Variants in ADARB2 observed in about 807,000 individuals in gnomAD.
ADARB2 encodes the protein adenosine deaminase RNA specific B2 (inactive), also known as inactive double-stranded RNA-specific editase B2.
A neutral mutation model predicts 62.2 loss-of-function variants in ADARB2; 25 were observed. The ratio of observed to expected loss-of-function variants is 0.40; its 90% CI spans 0.29 to 0.56. ADARB2 has a LOEUF of 0.56. ADARB2 is among the 20% of genes least tolerant of loss of function. The probability of loss-of-function intolerance (pLI) is 0.43; values close to 1 mark genes in which losing one functional copy is unlikely to be tolerated. For synonymous variants in ADARB2, 572 were observed against 500.8 expected, an observed-to-expected ratio of 1.14 and a Z score of -1.90; for missense variants, 1,071 against 1,077.4, an observed-to-expected ratio of 0.99 and a Z score of 0.08.
chr10:1,320,247 A>G (rs1286343455), intron 3 of ADARB2, among the ~76,000 whole-genome samples: 1 of 152,194 alleles, frequency 6.6e-6, no homozygotes, highest in South Asian at 2.1e-4. Flanking sequence ...GCTATGGAGA[A>G]TGGAGTGAGT....
chr10:1,658,664 G>A (rs1198309967), intron 1 of ADARB2, among the ~76,000 whole-genome samples: 2 of 152,238 alleles, frequency 1.3e-5, no homozygotes, highest in Admixed American at 6.5e-5. Context: ...CCTTGCTGGT[G>A]TCTGCATCAG....
chr10:1,670,343 G>A (rs1372390824), intron 1 of ADARB2, among the ~76,000 whole-genome samples: 2 of 152,212 alleles, frequency 1.3e-5, no homozygotes, highest in Non-Finnish European at 2.9e-5. Context: ...AGTTTGAACA[G>A]GGGTCCTTAG....
At chr10:1,695,052 G>A (rs868143496) in intron 1 of ADARB2, among the ~76,000 whole-genome samples, 1 of 152,198 alleles carries the variant, frequency 6.6e-6, no homozygotes, top group African/African-American at 2.4e-5. Context: ...CCCCGTGCCA[G>A]ATATGACTCC....
intron 1 of ADARB2, among the ~76,000 whole-genome samples, chr10:1,480,986 G>A (rs57290516): frequency 0.031 from 4,737 of 152,140 alleles, 243 homozygotes; most frequent in African/African-American, 0.11. Flanking sequence ...ATGGAATCTC[G>A]AAGGGCCTTG....
intron 1 of ADARB2, among the ~76,000 whole-genome samples, chr10:1,433,524 C>T (rs1407950669): frequency 6.6e-6 from 1 of 152,142 alleles, no homozygotes. Context: ...TTCCCAGATG[C>T]GGACGTTCAG....
In ADARB2 at chr10:1,363,031, C is replaced by A. The variant is rs1028666707; in HGVS notation, c.1074G>T (p.Pro358=). 1 of 1,383,080 alleles carries A rather than the reference C, an allele frequency of 7.2e-7. No homozygotes were observed. The highest frequency in any genetic ancestry group is 9.4e-7 in the Non-Finnish European group (1 of 1,066,618). 85.7% of individuals were successfully genotyped at this position (1,383,080 alleles called of 1,614,324 possible). A position where few individuals can be genotyped will look rare whatever the true frequency, so the allele number is the denominator to read the frequency against. Residue 358 remains proline (P), a synonymous_variant, in exon 3 of 10, where the codon CCG becomes CCT. Coordinates refer to ENST00000381312, the MANE Select transcript of ADARB2 (RefSeq NM_018702.4). Reference sequence around the variant, plus strand: ...CTGCACCCGCCGCGCCCCTCACCTGCGGCATTGGCGTCCTCCTGGCCCTGC... The same window carrying A: ...CTGCACCCGCCGCGCCCCTCACCTGAGGCATTGGCGTCCTCCTGGCCCTGC... ...APGRARRTPM[P]QEFADSISQL... is the part of the protein sequence containing the mutation.
At chr10:1,523,153 G>A (rs906029833) in intron 1 of ADARB2, among the ~76,000 whole-genome samples, 3 of 152,040 alleles carry the variant, frequency 2.0e-5, no homozygotes, top group African/African-American at 7.3e-5. Context: ...TTAGCTTTAG[G>A]TTTTATTTTT....
chr10:1,310,338 A>G (rs1831677241), intron 3 of ADARB2, among the ~76,000 whole-genome samples: 1 of 151,600 alleles, frequency 6.6e-6, no homozygotes, highest in Admixed American at 6.6e-5. Flanking sequence ...CACTCCTGCT[A>G]ACCTACGAAG....
At chr10:1,441,576 A>G (rs576894922) in intron 1 of ADARB2, among the ~76,000 whole-genome samples, 1 of 152,356 alleles carries the variant, frequency 6.6e-6, no homozygotes, top group South Asian at 2.1e-4. Flanking sequence ...CCTATGAAGT[A>G]GGTATTACTC....
chr10:1,682,576 G>A (rs1470825745), intron 1 of ADARB2, among the ~76,000 whole-genome samples: 1 of 152,146 alleles, frequency 6.6e-6, no homozygotes, highest in Non-Finnish European at 1.5e-5. Context: ...ATTAAGCCGG[G>A]TTCAGGGTGT....
intron 1 of ADARB2, among the ~76,000 whole-genome samples, chr10:1,478,821 C>T (rs527367705): frequency 9.9e-5 from 15 of 151,550 alleles, no homozygotes; most frequent in East Asian, 3.9e-4. Context: ...GACCTTCGGA[C>T]GGGAGAGCAC....
intron 4 of ADARB2, among the ~76,000 whole-genome samples, chr10:1,243,803 A>G (rs942832764): frequency 2.6e-5 from 4 of 152,076 alleles, no homozygotes; most frequent in Non-Finnish European, 5.9e-5. Context: ...GCCCATGTCC[A>G]CTGCTCTCTC....
intron 3 of ADARB2, chr10:1,361,084 T>C (rs1425296149): frequency 1.3e-5 from 2 of 152,156 alleles, no homozygotes; most frequent in Non-Finnish European, 1.5e-5. Context: ...CCCCAGACCA[T>C]GGGTGGTGGG....
At chr10:1,376,025 C>T (rs1253459934) in intron 2 of ADARB2, among the ~76,000 whole-genome samples, 1 of 151,600 alleles carries the variant, frequency 6.6e-6, no homozygotes, top group Non-Finnish European at 1.5e-5. Context: ...AACTCACACA[C>T]CCCACACACG....
intron 3 of ADARB2, among the ~76,000 whole-genome samples, chr10:1,358,640 T>G (rs1832219278): frequency 9.1e-6 from 1 of 110,358 alleles, no homozygotes; most frequent in Non-Finnish European, 2.1e-5. Context: ...AAGTTTTTTT[T>G]TTTCAGCAAA....
intron 9 of ADARB2, among the ~76,000 whole-genome samples, chr10:1,184,423 G>C (rs925920638): frequency 6.6e-6 from 1 of 152,164 alleles, no homozygotes; most frequent in Non-Finnish European, 1.5e-5. Context: ...TTGGGCTTTG[G>C]GGTTGGGGAG....
In ADARB2 at chr10:1,182,608, G is replaced by C. The variant is rs878991830; in HGVS notation, c.*585C>G. On this transcript the variant is annotated 3_prime_UTR_variant, in exon 10 of 10. Transcript: ENST00000381312. ...TGTGGGAATGGCTTTCGTTTCTCTG[G>C]TTCTATTTTAGGTGTTCGGTAATGT... 2.0e-5 allele frequency: 3 copies of C among 152,430 alleles called. No homozygotes were observed. In the South Asian group the frequency reaches 6.2e-4, roughly 31 times the overall value. 9.4% of individuals were successfully genotyped at this position (152,430 alleles called of 1,614,324 possible). A position where few individuals can be genotyped will look rare whatever the true frequency, so the allele number is the denominator to read the frequency against.
At chr10:1,479,946 A>T (rs953527532) in intron 1 of ADARB2, among the ~76,000 whole-genome samples, 1 of 152,154 alleles carries the variant, frequency 6.6e-6, no homozygotes, top group Admixed American at 6.6e-5. Flanking sequence ...ACTCCATTGC[A>T]TTTTGGATTA....
At chr10:1,577,423 C>A (rs1480099044) in intron 1 of ADARB2, among the ~76,000 whole-genome samples, 1 of 152,248 alleles carries the variant, frequency 6.6e-6, no homozygotes, top group Non-Finnish European at 1.5e-5. Context: ...TGCAGTGATA[C>A]CCTCATGCAC....
Sources: allele counts gnomAD v4.1 joint callset (sites outside exome capture counted in the v4.1 genomes callset), GRCh38; gene constraint gnomAD v4.1.1; transcripts MANE v1.5; gene names NCBI Gene and HGNC (gene_info 2026-07-23, HGNC 2026-07-21).